FGD5: variants seen among roughly 807,000 people sequenced by gnomAD.
The protein encoded by FGD5 is FYVE, RhoGEF and PH domain-containing protein 5.
FGD5 carries 28 observed loss-of-function variants against 133.4 expected under a neutral mutation model. The observed-to-expected ratio is 0.21, with a 90% CI of 0.16 to 0.29. FGD5 has a LOEUF of 0.29. FGD5 is among the 10% of genes least tolerant of loss of function. FGD5 has a pLI of 1.00. For missense variants in FGD5, 1,858 were observed against 1,895.2 expected, an observed-to-expected ratio of 0.98 and a Z score of 0.36; for synonymous variants, 810 against 776.5, an observed-to-expected ratio of 1.04 and a Z score of -0.72.
chr3:14,895,858 C>G (rs2038126031), intron 4 of FGD5, among the ~76,000 whole-genome samples: 1 of 150,822 alleles, frequency 6.6e-6, no homozygotes, highest in Non-Finnish European at 1.5e-5. Context: ...GATATAAAAG[C>G]CGACAAGATG....
chr3:14,869,938 C>A (rs1201997595), intron 2 of FGD5, among the ~76,000 whole-genome samples: 1 of 152,204 alleles, frequency 6.6e-6, no homozygotes, highest in Non-Finnish European at 1.5e-5. Flanking sequence ...GCTTTCAGTT[C>A]TTGTAAGTAT....
intron 1 of FGD5, among the ~76,000 whole-genome samples, chr3:14,833,239 T>C (rs2036751772): frequency 6.6e-6 from 1 of 152,088 alleles, no homozygotes; most frequent in African/African-American, 2.4e-5. Context: ...CGAGTTGAGG[T>C]TGTTTTTCGG....
intron 1 of FGD5, among the ~76,000 whole-genome samples, chr3:14,863,800 G>A (rs952682541): frequency 3.3e-5 from 5 of 152,200 alleles, no homozygotes; most frequent in Non-Finnish European, 5.9e-5. Context: ...GCCTGACCAG[G>A]CCAGTCCAGA....
chr3:14,842,781 A>G (rs2036948440), intron 1 of FGD5, among the ~76,000 whole-genome samples: 1 of 152,190 alleles, frequency 6.6e-6, no homozygotes, highest in African/African-American at 2.4e-5. Context: ...CCTAGGGAGC[A>G]GGGACTTGTC....
At chr3:14,874,946 G>A (rs1575224115) in intron 2 of FGD5, among the ~76,000 whole-genome samples, 1 of 152,258 alleles carries the variant, frequency 6.6e-6, no homozygotes, top group East Asian at 1.9e-4. Flanking sequence ...GCTTGTCCTG[G>A]CAGGCACTCA....
intron 2 of FGD5, among the ~76,000 whole-genome samples, chr3:14,873,722 A>ACTTTTTTTTTT (rs1473235803): frequency 7.0e-6 from 1 of 142,894 alleles, no homozygotes; most frequent in Non-Finnish European, 1.5e-5. Flanking sequence ...TAAGAGCTAC[A>ACTTTTTTTTTT]CTTTTTTTTT....
intron 1 of FGD5, among the ~76,000 whole-genome samples, chr3:14,823,346 A>G (rs531813263): frequency 4.6e-5 from 7 of 152,146 alleles, no homozygotes; most frequent in Non-Finnish European, 7.4e-5. Flanking sequence ...GAGCTGCCTC[A>G]TCGGGTGCTG....
rs551591910 is a variant in FGD5, at chr3:14,868,523, C to T, written c.2658+4263C>T. Among the ~76,000 whole-genome samples, 23 of 152,322 alleles carry T rather than the reference C, an allele frequency of 1.5e-4. No individual in the cohort carries two copies. In the South Asian group the frequency reaches 4.8e-3, roughly 32 times the overall value. The stretch of plus-strand genomic sequence containing the variant: ...CCTGGTTGTTGCCATTGGACCAGTC[C>T]CCAGCTGGGGTTAAACACCACCATG... On this transcript the variant is annotated intron_variant, in intron 2 of 19. Transcript: ENST00000285046.
intron 1 of FGD5, among the ~76,000 whole-genome samples, chr3:14,847,236 T>C (rs955277167): frequency 6.6e-6 from 1 of 152,240 alleles, no homozygotes; most frequent in Non-Finnish European, 1.5e-5. Flanking sequence ...GGAACTTTTC[T>C]ACGTGCTTTT....
chr3:14,843,192 A>C (rs2036957741), intron 1 of FGD5, among the ~76,000 whole-genome samples: 1 of 152,106 alleles, frequency 6.6e-6, no homozygotes, highest in Non-Finnish European at 1.5e-5. Context: ...CGATGAAAGG[A>C]AGGGTCCCCA....
intron 2 of FGD5, among the ~76,000 whole-genome samples, chr3:14,869,918 C>T (rs777268734): frequency 6.6e-6 from 1 of 152,216 alleles, no homozygotes; most frequent in Non-Finnish European, 1.5e-5. Flanking sequence ...ACAGATCTCT[C>T]TAAGACCCTG....
At position 14,922,212 on chromosome 3, in the gene FGD5, A is replaced by G. The variant is rs2038697255; in HGVS notation, c.3669+195A>G. 1 of 986,728 alleles carries G rather than the reference A, an allele frequency of 1.0e-6. No homozygotes were observed. The highest frequency in any genetic ancestry group is 1.6e-5 in the South Asian group (1 of 63,180). 61.1% of individuals were successfully genotyped at this position (986,728 alleles called of 1,614,324 possible). On this transcript the variant is annotated intron_variant, in intron 14 of 19. Transcript: ENST00000285046. The surrounding 1 kb of genome is among the most constrained non-coding windows in gnomAD (Gnocchi z 4.1). ...TGTAACCTAGGAGCCCAGCACCCAC[A>G]GTCTTGTTCTCACAGTCTGGCTGTT...
Position 14,897,534 on chromosome 3 carries a change from C to T in FGD5, c.2774C>T (p.Ala925Val). Residue 925 changes from alanine to valine, a missense_variant, in exon 5 of 20, where the codon GCC (alanine) becomes GTC (valine). This residue lies in a region of FGD5 where 1,824 missense variants were observed against 1,848.9 expected (regional missense o/e 0.99). Coordinates refer to ENST00000285046, the MANE Select transcript of FGD5 (RefSeq NM_152536.4). ...GATTTCCATGGAGCTGTCATGAGGGCCTTGGATGACATGGACCATGAAGGC... is the reference window on the plus strand; with the variant it reads ...GATTTCCATGGAGCTGTCATGAGGGTCTTGGATGACATGGACCATGAAGGC... ...NLDFHGAVMR[A>V]LDDMDHEGRD... The T allele has an allele frequency of 1.2e-6, 2 of 1,605,980 alleles. No individual in the cohort carries two copies. Among genetic ancestry groups the T allele is most frequent in the Non-Finnish European group, 8.5e-7 (1 of 1,176,352 alleles).
At chr3:14,837,090 A>G (rs1416450428) in intron 1 of FGD5, among the ~76,000 whole-genome samples, 1 of 152,112 alleles carries the variant, frequency 6.6e-6, no homozygotes, top group Non-Finnish European at 1.5e-5. Context: ...TCAAGCCCCA[A>G]GCTTGAGGGT....
At chr3:14,857,278 G>A (rs1575211983) in intron 1 of FGD5, among the ~76,000 whole-genome samples, 2 of 152,098 alleles carry the variant, frequency 1.3e-5, no homozygotes, top group South Asian at 2.1e-4. Flanking sequence ...AGCCTCCCAA[G>A]TAGCTGAGGC....
chr3:14,858,336 T>A (rs532236552), intron 1 of FGD5, among the ~76,000 whole-genome samples: 90 of 119,502 alleles, frequency 7.5e-4, no homozygotes, highest in African/African-American at 2.7e-3. Flanking sequence ...ATGTCCAGTG[T>A]CCTGAAGCGG....
chr3:14,873,625 A>G (rs1626374), intron 2 of FGD5, among the ~76,000 whole-genome samples: 21,871 of 151,346 alleles, frequency 0.14, 1,892 homozygotes, highest in East Asian at 0.39. Flanking sequence ...AATCACAGTC[A>G]CTCTCTTAGG....
At chr3:14,831,499 A>G (rs553767732) in intron 1 of FGD5, among the ~76,000 whole-genome samples, 96 of 152,214 alleles carry the variant, frequency 6.3e-4, no homozygotes, top group African/African-American at 1.8e-3. Context: ...TCTCCCACCC[A>G]TGACTGCTCT....
In FGD5 at chr3:14,880,757, C is replaced by G. The variant is rs372015623; in HGVS notation, c.2733C>G (p.Leu911=). The change falls in exon 4 of 20, where the codon CTC becomes CTG. Residue 911 remains leucine, a synonymous_variant. Transcript: ENST00000285046. ...CCCTCTGCAGATACGTGGAGATGCTCCAGCACTTAAATCTGGTGAGTTAAT... is the reference window on the plus strand; with the variant it reads ...CCCTCTGCAGATACGTGGAGATGCTGCAGCACTTAAATCTGGTGAGTTAAT... ...LSSEKAYVEM[L]QHLNLDFHGA... The G allele has an allele frequency of 4.3e-6, 7 of 1,613,816 alleles. No homozygotes were observed. Among genetic ancestry groups the G allele is most frequent in the Middle Eastern group, 1.6e-4 (1 of 6,084 alleles).
Sources: allele counts gnomAD v4.1 joint callset (sites outside exome capture counted in the v4.1 genomes callset), GRCh38; gene constraint gnomAD v4.1.1; regional missense constraint gnomAD v4.1.1; non-coding constraint Gnocchi (gnomAD v3.1); transcripts MANE v1.5; gene names NCBI Gene and HGNC (gene_info 2026-07-23, HGNC 2026-07-21).